GLB1: variants seen among roughly 807,000 people sequenced by gnomAD.
GLB1 encodes galactosidase beta 1, also known as beta-galactosidase.
A neutral mutation model predicts 74.0 loss-of-function variants in GLB1; 56 were observed. The ratio of observed to expected loss-of-function variants is 0.76; its 90% CI spans 0.61 to 0.94. GLB1 has a LOEUF of 0.94. GLB1 is among the 40% of genes least tolerant of loss of function. GLB1 has a pLI of 0.00. For synonymous variants in GLB1, 323 were observed against 323.6 expected (o/e 1.00, Z 0.02); for missense variants, 787 against 845.5 (o/e 0.93, Z 0.86).
rs558314757 is a variant in GLB1, at chr3:33,058,891, T to TCA, written c.553-624_553-623dup. Among the ~76,000 whole-genome samples the TCA allele has an allele frequency of 1.3e-4, 20 of 152,360 alleles. No homozygotes were observed. The South Asian group carries it at 3.9e-3, about 30-fold the overall frequency. ...CACAGCATGTTTATTTGACCTGCTG[T>TCA]CACACACACACCGGTGTTCAGTTTG... On this transcript the variant is annotated intron_variant, in intron 5 of 15. Coordinates refer to ENST00000307363, the MANE Select transcript of GLB1 (RefSeq NM_000404.4).
At chr3:32,991,551 A>T in the GLB1 span, among the ~76,000 whole-genome samples, 130 of 152,264 alleles carry the variant, frequency 8.5e-4, 1 homozygote, top group African/African-American at 2.9e-3. Flanking sequence ...AGTACAGTGG[A>T]CTGATGCTAT....
chr3:33,053,112 G>A (rs543646544), intron 7 of GLB1, among the ~76,000 whole-genome samples: 4 of 152,194 alleles, frequency 2.6e-5, no homozygotes, highest in South Asian at 4.2e-4. Flanking sequence ...CAACCATCCC[G>A]GCTTAGCCAC....
chr3:32,999,362 T>G (rs2125445242), intron 15 of GLB1, among the ~76,000 whole-genome samples: 1 of 152,186 alleles, frequency 6.6e-6, no homozygotes, highest in Non-Finnish European at 1.5e-5. Context: ...GACAGAGAAG[T>G]GGGAGGGCAT....
At chr3:33,080,996 G>C (rs1332005926) in intron 1 of GLB1, among the ~76,000 whole-genome samples, 2 of 152,230 alleles carry the variant, frequency 1.3e-5, no homozygotes, top group African/African-American at 4.8e-5. Context: ...CCGGGAGGAG[G>C]CATGGAGAGA....
At chr3:33,041,739 G>A (rs892870549) in intron 10 of GLB1, among the ~76,000 whole-genome samples, 3 of 150,310 alleles carry the variant, frequency 2.0e-5, no homozygotes, top group Non-Finnish European at 3.0e-5. Flanking sequence ...TTCAGACAAA[G>A]AAGAATTAAT....
chr3:33,069,066 T>C (rs550929259), intron 2 of GLB1, 96 bp from the exon 3 acceptor site: 235 of 1,601,926 alleles, frequency 1.5e-4, no homozygotes, highest in Middle Eastern at 1.2e-3. Flanking sequence ...TGCTAACACA[T>C]GGATAAGAGG....
At chr3:33,005,734 G>C (rs1247108551) in intron 15 of GLB1, among the ~76,000 whole-genome samples, 1 of 152,134 alleles carries the variant, frequency 6.6e-6, no homozygotes, top group East Asian at 1.9e-4. Flanking sequence ...GAGCTCAAGT[G>C]ATCCTACCAC....
chr3:33,071,716 T>C (rs1037810226), intron 2 of GLB1, among the ~76,000 whole-genome samples: 2 of 151,840 alleles, frequency 1.3e-5, no homozygotes, highest in African/African-American at 4.8e-5. Context: ...CCCCTCCTTC[T>C]CCCCTGAAGC....
At chr3:32,964,213 T>C in the GLB1 span, among the ~76,000 whole-genome samples, 11 of 152,212 alleles carry the variant, frequency 7.2e-5, no homozygotes, top group Admixed American at 2.6e-4. Context: ...CACCTCTCCA[T>C]GGTTACCTTG....
the GLB1 span, among the ~76,000 whole-genome samples, chr3:32,981,496 G>A: frequency 7.3e-4 from 111 of 151,468 alleles, no homozygotes; most frequent in Admixed American, 2.6e-3. Context: ...GATACTGACC[G>A]GGCACGGTGG....
the GLB1 span, among the ~76,000 whole-genome samples, chr3:32,983,586 A>C: frequency 6.6e-6 from 1 of 151,912 alleles, no homozygotes; most frequent in East Asian, 1.9e-4. Context: ...GCCTATGTGG[A>C]TTTGTCTCTA....
chr3:33,072,118 A>G (rs1023100174), intron 2 of GLB1, among the ~76,000 whole-genome samples: 82 of 152,304 alleles, frequency 5.4e-4, no homozygotes, highest in African/African-American at 1.9e-3. Context: ...AGCTGCCTGC[A>G]TGCCTTCCCT....
intron 10 of GLB1, among the ~76,000 whole-genome samples, chr3:33,029,226 A>G (rs1697905381): frequency 6.6e-6 from 1 of 152,188 alleles, no homozygotes; most frequent in Non-Finnish European, 1.5e-5. Flanking sequence ...TTTTTCCATA[A>G]TAATTTGTGC....
intron 10 of GLB1, among the ~76,000 whole-genome samples, chr3:33,027,599 G>A (rs6776757): frequency 0.54 from 81,591 of 151,930 alleles, 22,797 homozygotes; most frequent in East Asian, 0.98. Flanking sequence ...CCTGGCCAAC[G>A]TGGTGAAACC....
downstream of GLB1, among the ~76,000 whole-genome samples, chr3:32,995,844 CAAAA>C (rs71070110): frequency 1.5e-3 from 186 of 124,248 alleles, 1 homozygote; most frequent in African/African-American, 3.7e-3. Context: ...GACCCAGCCT[CAAAA>C]AAAAAAAAAA....
intron 1 of GLB1, among the ~76,000 whole-genome samples, chr3:33,073,849 AAAACAAAC>A (rs373254018): frequency 6.6e-6 from 1 of 151,524 alleles, no homozygotes; most frequent in Non-Finnish European, 1.5e-5. Flanking sequence ...TCTCTACAAA[AAAACAAAC>A]AAACAAACAA....
chr3:33,034,142 G>A (rs1698173514), intron 10 of GLB1: 1 of 627,768 alleles, frequency 1.6e-6, no homozygotes. Flanking sequence ...CGGCACCTGG[G>A]AGAAGACCCA....
Position 33,091,724 on chromosome 3 carries a change from C to T in GLB1, c.75+5287G>A, listed in dbSNP as rs566052961. On this transcript the variant is annotated intron_variant, in intron 1 of 15. Transcript: ENST00000307363. ...CACCCAACGCTGCCCTATGAGTGAGCAGCAGGGTTAGCCTCTCCAGTCAGA... is the reference window on the plus strand; with the variant it reads ...CACCCAACGCTGCCCTATGAGTGAGTAGCAGGGTTAGCCTCTCCAGTCAGA... The T allele has an allele frequency of 4.9e-5, 48 of 985,384 alleles. No individual in the cohort carries two copies. The African/African-American group carries it at 7.7e-4, about 16-fold the overall frequency. 61.0% of individuals were successfully genotyped at this position (985,384 alleles called of 1,614,324 possible).
chr3:33,084,544 A>G lies in GLB1; in HGVS notation c.76-11831T>C, dbSNP rs187051628. 3.8e-4 allele frequency among the ~76,000 whole-genome samples: 58 copies of G among 152,298 alleles called. No individual in the cohort carries two copies. In the East Asian group the frequency reaches 0.01, roughly 27 times the overall value. ...TATGTTTTCACGCCTGCCTTGTGCC[A>G]AAAACATTTTTGTTCAGCATTCCAA... On this transcript the variant is annotated intron_variant, in intron 1 of 15. Transcript: ENST00000307363.
Sources: gnomAD v4.1 joint callset for allele counts (sites outside exome capture counted in the v4.1 genomes callset) on GRCh38, gnomAD v4.1.1 for gene constraint, MANE v1.5 for transcripts, NCBI Gene and HGNC (gene_info 2026-07-23, HGNC 2026-07-21) for gene names.